The following KCTD15 variants were observed in gnomAD, a reference collection of about 807,000 sequenced individuals.
KCTD15 encodes the protein potassium channel tetramerization domain containing 15, also known as BTB/POZ domain-containing protein KCTD15.
Under a neutral mutation model 27.2 loss-of-function variants are expected in KCTD15, and 11 were observed. That is an observed-to-expected ratio of 0.41 (90% CI 0.25 to 0.67). The LOEUF is 0.67. Ranked by LOEUF, KCTD15 falls within the 30% of genes least tolerant of loss-of-function variation. The pLI is 0.35. For synonymous variants in KCTD15, 163 were observed against 176.0 expected, an observed-to-expected ratio of 0.93 and a Z score of 0.58; for missense variants, 350 against 409.3, an observed-to-expected ratio of 0.86 and a Z score of 1.25.
chr19:33,803,655 G>T (rs914724777), intron 4 of KCTD15, among the ~76,000 whole-genome samples: 4 of 151,988 alleles, frequency 2.6e-5, no homozygotes, highest in Non-Finnish European at 5.9e-5. Flanking sequence ...CACAGCCGGG[G>T]CTGGGAGTGG....
Position 33,815,685 on chromosome 19 carries a change from T to C in KCTD15, c.*2737T>C, listed in dbSNP as rs947149340. Reference sequence around the variant, plus strand: ...AACACTAAGAATATCTTTCAAAAAATGTGTCTTTTTTTTTTTTTTTTTTAA... The same window carrying C: ...AACACTAAGAATATCTTTCAAAAAACGTGTCTTTTTTTTTTTTTTTTTTAA... On this transcript the variant is annotated 3_prime_UTR_variant, in exon 7 of 7. Transcript: ENST00000683859. 6.1e-5 allele frequency: 3 copies of C among 48,898 alleles called. No homozygotes were observed. The highest frequency in any genetic ancestry group is 1.0e-4 in the Non-Finnish European group (3 of 28,908). 3.0% of individuals were successfully genotyped at this position (48,898 alleles called of 1,614,324 possible). A position where few individuals can be genotyped will look rare whatever the true frequency, so the allele number is the denominator to read the frequency against.
At chr19:33,801,702 C>A (rs1975555805) in intron 4 of KCTD15, 1 of 199,172 alleles carries the variant, frequency 5.0e-6, no homozygotes, top group Non-Finnish European at 1.0e-5. Context: ...TTAGGCCCGG[C>A]CCCTGCAGGG....
intron 4 of KCTD15, among the ~76,000 whole-genome samples, chr19:33,804,755 A>G (rs1274893292): frequency 6.6e-6 from 1 of 152,092 alleles, no homozygotes; most frequent in African/African-American, 2.4e-5. Context: ...CCTTTCCAGC[A>G]GGGGCTGTGA....
intron 3 of KCTD15, among the ~76,000 whole-genome samples, 156 bp downstream of exon 3, chr19:33,800,676 T>C (rs758211204): frequency 1.3e-5 from 2 of 152,228 alleles, no homozygotes; most frequent in African/African-American, 2.4e-5. Flanking sequence ...AAAATGCTCT[T>C]AATTTGATGT....
chr19:33,803,339 T>A (rs1424035826), intron 4 of KCTD15, among the ~76,000 whole-genome samples: 1 of 152,198 alleles, frequency 6.6e-6, no homozygotes, highest in Non-Finnish European at 1.5e-5. Context: ...TGGATTATTA[T>A]AATATAAGCA....
intron 4 of KCTD15, among the ~76,000 whole-genome samples, chr19:33,802,446 G>A (rs1975588716): frequency 6.6e-6 from 1 of 152,218 alleles, no homozygotes; most frequent in South Asian, 2.1e-4. Flanking sequence ...AGCCTGTTGG[G>A]GCTGCAGGGG....
intron 1 of KCTD15, 34 bp from the exon 2 acceptor site, chr19:33,798,634 C>T (rs1326044697): frequency 6.5e-6 from 1 of 152,740 alleles, no homozygotes; most frequent in Admixed American, 6.5e-5. Context: ...ACTTGTATCT[C>T]TCACTGCACC....
rs955756018 is a variant in KCTD15, at chr19:33,798,433, GGGCGGGCGGGGCTCGGC to G, written c.-126-224_-126-208del. On this transcript the variant is annotated intron_variant, in intron 1 of 6. Transcript: ENST00000683859. ...GCATTCTGCTCACTTCTCTCTGCTC[GGGCGGGCGGGGCTCGGC>G]GGCGGGCGGGCAGGGACCCGGGTCT... 190 of 152,316 alleles carry G rather than the reference GGGCGGGCGGGGCTCGGC, an allele frequency of 1.2e-3. 1 individual carries two copies. The highest frequency in any genetic ancestry group is 4.4e-3 in the African/African-American group (184 of 41,546). 9.4% of individuals were successfully genotyped at this position (152,316 alleles called of 1,614,324 possible).
At chr19:33,803,678 G>A (rs983304630) in intron 4 of KCTD15, among the ~76,000 whole-genome samples, 2 of 151,948 alleles carry the variant, frequency 1.3e-5, no homozygotes, top group South Asian at 2.1e-4. Context: ...TCCCTGGGCC[G>A]GCCCCCTTGC....
chr19:33,808,158 A>G (rs1975772119), intron 5 of KCTD15, among the ~76,000 whole-genome samples: 1 of 152,198 alleles, frequency 6.6e-6, no homozygotes, highest in South Asian at 2.1e-4. Flanking sequence ...CCTGGGGTAC[A>G]CTGGCATGTA....
chr19:33,805,377 G>A (rs1452865163), intron 4 of KCTD15, among the ~76,000 whole-genome samples: 1 of 152,200 alleles, frequency 6.6e-6, no homozygotes, highest in East Asian at 1.9e-4. Flanking sequence ...GGCAGACTTG[G>A]GGGCTCTGAC....
chr19:33,813,354 T>TA lies in KCTD15; in HGVS notation c.*407dup, dbSNP rs1377823062. 2 of 405,922 alleles carry TA rather than the reference T, an allele frequency of 4.9e-6. No individual in the cohort carries two copies. The highest frequency in any genetic ancestry group is 3.2e-5 in the South Asian group (2 of 62,700). The allele number at this position is 405,922 out of a possible 1,614,324, so 25.1% of individuals were successfully genotyped here. A position where few individuals can be genotyped will look rare whatever the true frequency, so the allele number is the denominator to read the frequency against. ...GTCTCCTAGCGTCCGAGAGATGGCT[T>TA]ATTTTCTACAGTATTTAAAATGGAT... On this transcript the variant is annotated 3_prime_UTR_variant, in exon 7 of 7. Coordinates refer to ENST00000683859, the MANE Select transcript of KCTD15 (RefSeq NM_001129994.2).
intron 6 of KCTD15, chr19:33,812,490 C>T (rs908335730): frequency 1.9e-5 from 23 of 1,203,578 alleles, no homozygotes; most frequent in Non-Finnish European, 2.2e-5. Context: ...AGAAGGGACC[C>T]AAAGCCTCTT....
Position 33,814,263 on chromosome 19 carries a change from T to C in KCTD15, c.*1315T>C, listed in dbSNP as rs2145507585. ...GCAAAAGACTGGAGGCTCTGTCCTGTGCAGAAGCAGCAGCCAGACTCCCGC... is the reference window on the plus strand; with the variant it reads ...GCAAAAGACTGGAGGCTCTGTCCTGCGCAGAAGCAGCAGCCAGACTCCCGC... On this transcript the variant is annotated 3_prime_UTR_variant, in exon 7 of 7. Coordinates refer to ENST00000683859, the MANE Select transcript of KCTD15 (RefSeq NM_001129994.2). 1 of 152,742 alleles carries C rather than the reference T, an allele frequency of 6.5e-6. No homozygotes were observed. The highest frequency in any genetic ancestry group is 3.4e-3 in the Middle Eastern group (1 of 294). 9.5% of individuals were successfully genotyped at this position (152,742 alleles called of 1,614,324 possible).
intron 6 of KCTD15, 122 bp downstream of exon 6, chr19:33,811,674 C>G (rs769086643): frequency 6.6e-7 from 1 of 1,509,358 alleles, no homozygotes; most frequent in East Asian, 2.3e-5. Flanking sequence ...TGCCATCCTA[C>G]AAAAAAGGCA....
chr19:33,803,633 G>A (rs1975629165), intron 4 of KCTD15, among the ~76,000 whole-genome samples: 1 of 152,168 alleles, frequency 6.6e-6, no homozygotes, highest in Non-Finnish European at 1.5e-5. Context: ...GTCCTCACCC[G>A]AGACAGCCAA....
rs1302332839 is a variant in KCTD15, at chr19:33,813,323, T to C, written c.*375T>C. ...ATCCCTCTCCACGCGGGGCAGACTC[T>C]GGCGGGTCTCCTAGCGTCCGAGAGA... On this transcript the variant is annotated 3_prime_UTR_variant, in exon 7 of 7. Transcript: ENST00000683859. The C allele has an allele frequency of 1.9e-6, 1 of 521,200 alleles. No homozygotes were observed. The highest frequency in any genetic ancestry group is 3.7e-6 in the Non-Finnish European group (1 of 270,338). 32.3% of individuals were successfully genotyped at this position (521,200 alleles called of 1,614,324 possible).
chr19:33,807,656 G>A (rs1215672968), intron 5 of KCTD15, among the ~76,000 whole-genome samples: 1 of 152,192 alleles, frequency 6.6e-6, no homozygotes, highest in Non-Finnish European at 1.5e-5. Context: ...GGAGGCAGAG[G>A]TTACAGTGGG....
chr19:33,797,283 TGCGCGCGCGCGC>T (rs757561501), intron 1 of KCTD15: 21 of 120,684 alleles, frequency 1.7e-4, no homozygotes, highest in African/African-American at 5.6e-4. Context: ...TGTGTGTGTG[TGCGCGCGCGCGC>T]GCGCGCGCTT....
Sources: gnomAD v4.1 joint callset for allele counts (sites outside exome capture counted in the v4.1 genomes callset) on GRCh38, gnomAD v4.1.1 for gene constraint, MANE v1.5 for transcripts, NCBI Gene and HGNC (gene_info 2026-07-23, HGNC 2026-07-21) for gene names.